The following RBFOX1 variants were observed in gnomAD, a reference collection of about 807,000 sequenced individuals.
RBFOX1 encodes RNA binding fox-1 homolog 1, also known as RNA binding protein fox-1 homolog 1.
A neutral mutation model predicts 57.7 loss-of-function variants in RBFOX1; 8 were observed. The ratio of observed to expected loss-of-function variants is 0.14; its 90% CI spans 0.08 to 0.25. The LOEUF (loss-of-function observed/expected upper bound fraction) is 0.25. Among genes scored for constraint, RBFOX1 ranks in the 10% least tolerant of loss-of-function variants. The probability of loss-of-function intolerance (pLI) is 1.00; values close to 1 mark genes in which losing one functional copy is unlikely to be tolerated. For synonymous variants in RBFOX1, 326 were observed against 222.4 expected (o/e 1.47, Z -4.15); for missense variants, 611 against 548.5 (o/e 1.11, Z -1.14).
At chr16:5,547,588 G>T (rs1445352247) in intron 2 of RBFOX1, among the ~76,000 whole-genome samples, 2 of 152,166 alleles carry the variant, frequency 1.3e-5, no homozygotes, top group Non-Finnish European at 2.9e-5. Context: ...ATCATTTGTT[G>T]CCTGTTGACA....
At position 6,606,301 on chromosome 16, in the gene RBFOX1, T is replaced by C. The variant is rs552344613; in HGVS notation, c.-63-48302T>C. Among the ~76,000 whole-genome samples the C allele has an allele frequency of 9.2e-5, 14 of 152,278 alleles. No individual in the cohort carries two copies. The East Asian group carries it at 2.5e-3, about 27-fold the overall frequency. On this transcript the variant is annotated intron_variant, in intron 2 of 15. Coordinates refer to ENST00000550418, the MANE Select transcript of RBFOX1 (RefSeq NM_018723.4). ...GAAAGCCACTTCTTCCTGGAATTCA[T>C]GTATCCAGACACATTTTTATCTTGA... is the stretch of plus-strand genomic sequence containing the variant.
chr16:6,704,281 A>C (rs1263232053), intron 3 of RBFOX1: 1 of 152,230 alleles, frequency 6.6e-6, no homozygotes, highest in African/African-American at 2.4e-5. Context: ...TGCTCCACAG[A>C]GATATGCAAT....
chr16:7,428,607 G>C (rs1218993365), intron 4 of RBFOX1, among the ~76,000 whole-genome samples: 2 of 150,700 alleles, frequency 1.3e-5, no homozygotes, highest in Non-Finnish European at 3.0e-5. Flanking sequence ...CTGACCTCAG[G>C]TGATCCACCT....
intron 2 of RBFOX1, among the ~76,000 whole-genome samples, chr16:5,534,370 C>T (rs887544608): frequency 3.3e-5 from 5 of 152,180 alleles, no homozygotes; most frequent in Non-Finnish European, 7.3e-5. Flanking sequence ...TGTCTTCAAG[C>T]TGTGGAAGAA....
chr16:6,521,070 G>A (rs550965364), intron 2 of RBFOX1, among the ~76,000 whole-genome samples: 1 of 152,056 alleles, frequency 6.6e-6, no homozygotes, highest in Non-Finnish European at 1.5e-5. Flanking sequence ...GCAATTCCAC[G>A]CACAGGAATA....
chr16:6,534,094 G>A (rs1026171668), intron 2 of RBFOX1, among the ~76,000 whole-genome samples: 5 of 152,134 alleles, frequency 3.3e-5, no homozygotes, highest in African/African-American at 1.2e-4. Flanking sequence ...GGCTTCTTCA[G>A]AGATGCTCAT....
At chr16:6,746,950 C>G (rs564523357) in intron 3 of RBFOX1, among the ~76,000 whole-genome samples, 1 of 152,064 alleles carries the variant, frequency 6.6e-6, no homozygotes, top group African/African-American at 2.4e-5. Flanking sequence ...CACTTGGGCT[C>G]AAACTAAAAT....
intron 1 of RBFOX1, among the ~76,000 whole-genome samples, chr16:6,124,873 C>A (rs2096577877): frequency 6.6e-6 from 1 of 152,202 alleles, no homozygotes; most frequent in South Asian, 2.1e-4. Context: ...AAAAATAGCC[C>A]AAACAAGCAG....
intron 3 of RBFOX1, among the ~76,000 whole-genome samples, chr16:6,764,411 C>G (rs916152024): frequency 2.1e-4 from 32 of 152,172 alleles, no homozygotes; most frequent in Non-Finnish European, 3.8e-4. Flanking sequence ...ATTCTTAGTT[C>G]TGTTACCAGC....
intron 4 of RBFOX1, among the ~76,000 whole-genome samples, chr16:7,220,768 A>C (rs12445037): frequency 0.28 from 42,786 of 152,018 alleles, 7,717 homozygotes; most frequent in East Asian, 0.66. Flanking sequence ...CATCTGACCT[A>C]TCAGGGCTGG....
chr16:5,288,221 G>T (rs1351675010), intron 1 of RBFOX1, among the ~76,000 whole-genome samples: 2 of 152,088 alleles, frequency 1.3e-5, no homozygotes, highest in African/African-American at 2.4e-5. Flanking sequence ...TTTTACAAGG[G>T]GTCAGAATTG....
chr16:7,544,803 TG>T (rs2083967168), intron 5 of RBFOX1, among the ~76,000 whole-genome samples: 1 of 152,206 alleles, frequency 6.6e-6, no homozygotes, highest in South Asian at 2.1e-4. Context: ...TTGTTGTTTT[TG>T]TTTTTGTTTT....
intron 3 of RBFOX1, among the ~76,000 whole-genome samples, chr16:7,050,369 G>A (rs1048845267): frequency 1.3e-5 from 2 of 150,272 alleles, no homozygotes; most frequent in Admixed American, 6.7e-5. Flanking sequence ...AGGTTCAAGT[G>A]ATTCTCCTGC....
chr16:6,913,011 C>G (rs915950408), intron 3 of RBFOX1, among the ~76,000 whole-genome samples: 2 of 151,984 alleles, frequency 1.3e-5, no homozygotes, highest in African/African-American at 2.4e-5. Flanking sequence ...ATTCTACTTC[C>G]TATTTCTGCT....
At chr16:5,897,202 A>G (rs1174815766) in intron 4 of RBFOX1, among the ~76,000 whole-genome samples, 1 of 147,748 alleles carries the variant, frequency 6.8e-6, no homozygotes, top group East Asian at 2.0e-4. Context: ...CGCCCGGCTA[A>G]TTTTTTCTAT....
At chr16:6,487,769 T>C (rs2095539024) in intron 2 of RBFOX1, among the ~76,000 whole-genome samples, 1 of 130,152 alleles carries the variant, frequency 7.7e-6, no homozygotes, top group African/African-American at 2.9e-5. Flanking sequence ...TATTATGCAG[T>C]GATGGGCATG....
intron 1 of RBFOX1, among the ~76,000 whole-genome samples, chr16:6,094,303 T>A (rs2096216874): frequency 6.6e-6 from 1 of 152,102 alleles, no homozygotes; most frequent in Admixed American, 6.5e-5. Context: ...ATTGGGGAAA[T>A]GATTTTGAGA....
At chr16:7,024,179 A>T (rs1021202154) in intron 3 of RBFOX1, among the ~76,000 whole-genome samples, 5 of 152,310 alleles carry the variant, frequency 3.3e-5, no homozygotes, top group Admixed American at 3.3e-4. Flanking sequence ...ATCATTTAAT[A>T]AATATTAATG....
At chr16:5,977,117 A>G (rs1483556609) in intron 4 of RBFOX1, among the ~76,000 whole-genome samples, 2 of 152,132 alleles carry the variant, frequency 1.3e-5, no homozygotes, top group Non-Finnish European at 2.9e-5. Context: ...GTAATTTTCT[A>G]GTAAGCTAAA....
Sources: gnomAD v4.1 joint callset for allele counts (sites outside exome capture counted in the v4.1 genomes callset) on GRCh38, gnomAD v4.1.1 for gene constraint, MANE v1.5 for transcripts, NCBI Gene and HGNC (gene_info 2026-07-23, HGNC 2026-07-21) for gene names.